The following SH3TC2 variants were observed in gnomAD, a reference collection of about 807,000 sequenced individuals.
The protein encoded by SH3TC2 is SH3 domain and tetratricopeptide repeats 2, also known as SH3 domain and tetratricopeptide repeat-containing protein 2.
SH3TC2 carries 87 observed loss-of-function variants against 124.5 expected under a neutral mutation model. The ratio of observed to expected loss-of-function variants is 0.70; its 90% CI spans 0.59 to 0.84. SH3TC2 has a LOEUF of 0.84. Ranked by LOEUF, SH3TC2 falls within the 40% of genes least tolerant of loss-of-function variation. SH3TC2 has a pLI of 0.00. For missense variants in SH3TC2, 1,536 were observed against 1,566.4 expected (o/e 0.98, Z 0.33); for synonymous variants, 634 against 628.5 (o/e 1.01, Z -0.13).
Position 148,998,403 on chromosome 5 carries a change from T to C in SH3TC2, c.*6308A>G, listed in dbSNP as rs1208541120. On this transcript the variant is annotated 3_prime_UTR_variant, in exon 17 of 17. Coordinates refer to ENST00000515425, the MANE Select transcript of SH3TC2 (RefSeq NM_024577.4). ...GATTTCTCACAGAAAAGGACAGCAA[T>C]GGATTAGCCTGTCTTCTCATTAGCC... Among the ~76,000 whole-genome samples, 3 of 152,174 alleles carry C rather than the reference T, an allele frequency of 2.0e-5. No homozygotes were observed. Among genetic ancestry groups the C allele is most frequent in the East Asian group, 3.8e-4 (2 of 5,198 alleles).
intron 12 of SH3TC2, among the ~76,000 whole-genome samples, chr5:149,021,679 A>G (rs1753971834): frequency 6.6e-6 from 1 of 152,026 alleles, no homozygotes; most frequent in Non-Finnish European, 1.5e-5. Flanking sequence ...GACAAATTCC[A>G]AGAAAGACAA....
chr5:149,011,617 G>T (rs1753784078), intron 13 of SH3TC2, among the ~76,000 whole-genome samples: 1 of 152,210 alleles, frequency 6.6e-6, no homozygotes, highest in East Asian at 1.9e-4. Context: ...CGTTTATAAT[G>T]AGGGTTAAAC....
At chr5:149,032,576 T>A (rs931590606) in intron 8 of SH3TC2, among the ~76,000 whole-genome samples, 1 of 152,172 alleles carries the variant, frequency 6.6e-6, no homozygotes, top group Non-Finnish European at 1.5e-5. Flanking sequence ...GGAAGTGGTA[T>A]GAAGAACCAG....
rs2127400486 is a variant in SH3TC2 at position 149,040,656 on chromosome 5, T to A, written c.753A>T (p.Pro251=). Residue 251 remains proline, a synonymous_variant, in exon 7 of 17, where the codon CCA becomes CCT. Transcript: ENST00000515425. ...TCTTCCTGGAAAGGCCACAGCTTCC[T>A]GGATAATTCTTTAGGAACCACCTGC... is the stretch of plus-strand genomic sequence containing the variant. ...PFHQWFLKNY[P]GSCGLSRKRD... The A allele has an allele frequency of 1.2e-6, 2 of 1,614,190 alleles. No individual in the cohort carries two copies. Among genetic ancestry groups the A allele is most frequent in the Non-Finnish European group, 1.7e-6 (2 of 1,180,012 alleles).
At chr5:149,043,144 C>T (rs1302522113) in intron 4 of SH3TC2, among the ~76,000 whole-genome samples, 3 of 152,190 alleles carry the variant, frequency 2.0e-5, no homozygotes, top group Admixed American at 1.3e-4. Flanking sequence ...AATACAGCCA[C>T]GGAGGTCTCC....
rs1250122874 is a variant in SH3TC2, at chr5:149,001,262, T to C, written c.*3449A>G. 6.6e-6 allele frequency: 1 copy of C among 152,168 alleles called. No homozygotes were observed. The highest frequency in any genetic ancestry group is 1.5e-5 in the Non-Finnish European group (1 of 68,022). 9.4% of individuals were successfully genotyped at this position (152,168 alleles called of 1,614,324 possible). On this transcript the variant is annotated 3_prime_UTR_variant, in exon 17 of 17. Coordinates refer to ENST00000515425, the MANE Select transcript of SH3TC2 (RefSeq NM_024577.4). ...AATAAGAAAAGGACAAAAGCAATAT[T>C]GGATTTCAGAATGTTAATACTGTTG... is the stretch of plus-strand genomic sequence containing the variant.
rs1430853304 is a variant in SH3TC2, at chr5:148,989,128, G to A, written c.*15583C>T. Among the ~76,000 whole-genome samples the A allele has an allele frequency of 6.6e-6, 1 of 152,102 alleles. No homozygotes were observed. The highest frequency in any genetic ancestry group is 2.4e-5 in the African/African-American group (1 of 41,416). ...ACGTATTTTCTTTATATTTCCTTGA[G>A]TTCCTTTTGGAGTCATTGAATTCCC... On this transcript the variant is annotated 3_prime_UTR_variant, in exon 17 of 17. Coordinates refer to ENST00000515425, the MANE Select transcript of SH3TC2 (RefSeq NM_024577.4).
intron 3 of SH3TC2, chr5:149,045,308 A>G (rs976353150): frequency 2.0e-5 from 3 of 152,308 alleles, no homozygotes; most frequent in Non-Finnish European, 4.4e-5. Context: ...ATGTCATCAC[A>G]AAGTTTACAC....
At position 148,994,355 on chromosome 5, in the gene SH3TC2, T is replaced by C. The variant is rs1258024903; in HGVS notation, c.*10356A>G. 6.6e-6 allele frequency among the ~76,000 whole-genome samples: 1 copy of C among 152,200 alleles called. No homozygotes were observed. Among genetic ancestry groups the C allele is most frequent in the Non-Finnish European group, 1.5e-5 (1 of 68,026 alleles). On this transcript the variant is annotated 3_prime_UTR_variant, in exon 17 of 17. Coordinates refer to ENST00000515425, the MANE Select transcript of SH3TC2 (RefSeq NM_024577.4). ...AGGAGAAATTAAGAGAAGTCAATGA[T>C]ATAATAAGAGTATAACCTTTAGTAC...
chr5:148,993,362 A>C lies in SH3TC2; in HGVS notation c.*11349T>G, dbSNP rs1197790934. On this transcript the variant is annotated 3_prime_UTR_variant, in exon 17 of 17. Coordinates refer to ENST00000515425, the MANE Select transcript of SH3TC2 (RefSeq NM_024577.4). Reference sequence around the variant, plus strand: ...AATAAATTATAAGCCATCATTGTAAAATTCCAAATGCAAAAGAATTCATCT... The same window carrying C: ...AATAAATTATAAGCCATCATTGTAACATTCCAAATGCAAAAGAATTCATCT... 6.6e-6 allele frequency among the ~76,000 whole-genome samples: 1 copy of C among 152,250 alleles called. No individual in the cohort carries two copies. The highest frequency in any genetic ancestry group is 1.5e-5 in the Non-Finnish European group (1 of 68,050).
At chr5:149,038,877 G>A (rs1276940269) in intron 7 of SH3TC2, among the ~76,000 whole-genome samples, 1 of 152,174 alleles carries the variant, frequency 6.6e-6, no homozygotes, top group Non-Finnish European at 1.5e-5. Context: ...GTCATGGTTG[G>A]CACAAATCCA....
At chr5:149,054,560 A>ATT (rs55783408) in intron 1 of SH3TC2, among the ~76,000 whole-genome samples, 1 of 151,826 alleles carries the variant, frequency 6.6e-6, no homozygotes, top group Admixed American at 6.6e-5. Context: ...CATCTTCTTT[A>ATT]TTTTTTTCTG....
At chr5:149,047,733 T>C (rs964053840) in intron 3 of SH3TC2, 129 bp downstream of exon 3, 55 of 1,200,268 alleles carry the variant, frequency 4.6e-5, no homozygotes, top group Non-Finnish European at 6.0e-5. Flanking sequence ...CTTTCATTCA[T>C]TCAGTCTACC....
At chr5:149,037,054 A>G (rs1754294777) in intron 8 of SH3TC2, among the ~76,000 whole-genome samples, 1 of 152,008 alleles carries the variant, frequency 6.6e-6, no homozygotes, top group African/African-American at 2.4e-5. Context: ...GTAGCTCCCC[A>G]TTCTCTGCCA....
Position 149,027,314 on chromosome 5 carries a change from A to T in SH3TC2, c.2418T>A (p.Tyr806Ter). ...FESSLCLAWAYLLASQAKKAL... is the reference protein window; with the variant it reads ...FESSLCLAWA ...CCTTCTTGGCCTGGCTGGCTAAGAG[A>T]TAGGCCCATGCCAGGCAGAGAGAAG... The change falls in exon 11 of 17, where the codon TAT becomes TAA. Residue 806 changes from tyrosine to a stop codon, truncating the protein, a stop_gained. Coordinates refer to ENST00000515425, the MANE Select transcript of SH3TC2 (RefSeq NM_024577.4). LOFTEE classifies it high-confidence loss of function. The T allele has an allele frequency of 2.5e-6, 4 of 1,614,016 alleles. No individual in the cohort carries two copies. The highest frequency in any genetic ancestry group is 3.4e-6 in the Non-Finnish European group (4 of 1,180,040).
chr5:149,053,523 A>G (rs1194090832), intron 1 of SH3TC2, among the ~76,000 whole-genome samples: 1 of 152,252 alleles, frequency 6.6e-6, no homozygotes, highest in East Asian at 1.9e-4. Flanking sequence ...CTTAGCTGGA[A>G]ACCTGGCAGC....
At chr5:149,055,777 T>C (rs1304477980) in intron 1 of SH3TC2, among the ~76,000 whole-genome samples, 2 of 152,128 alleles carry the variant, frequency 1.3e-5, no homozygotes, top group African/African-American at 2.4e-5. Flanking sequence ...ATATATAATA[T>C]ATAATTAAAT....
intron 1 of SH3TC2, among the ~76,000 whole-genome samples, chr5:149,061,692 C>A (rs1447391891): frequency 1.3e-5 from 2 of 152,134 alleles, no homozygotes; most frequent in African/African-American, 4.8e-5. Flanking sequence ...GCCAAGATGA[C>A]AACTGCATAA....
At chr5:149,042,865 G>A (rs370441077) in intron 4 of SH3TC2, 28 bp from the exon 5 acceptor site, 87 of 1,613,296 alleles carry the variant, frequency 5.4e-5, no homozygotes, top group Non-Finnish European at 7.0e-5. Flanking sequence ...CAAGATTTCT[G>A]AACAAAATGA....
Sources: gnomAD v4.1 joint callset for allele counts (sites outside exome capture counted in the v4.1 genomes callset) on GRCh38, gnomAD v4.1.1 for gene constraint, MANE v1.5 for transcripts, NCBI Gene and HGNC (gene_info 2026-07-23, HGNC 2026-07-21) for gene names.